Variants in PHF21B observed in about 807,000 individuals in gnomAD.
The protein encoded by PHF21B is PHD finger protein 21B, also known as PHD finger protein 4.
Under a neutral mutation model 62.2 loss-of-function variants are expected in PHF21B, and 22 were observed. That is an observed-to-expected ratio of 0.35 (90% CI 0.25 to 0.51). PHF21B has a LOEUF of 0.51. Among genes scored for constraint, PHF21B ranks in the 20% least tolerant of loss-of-function variants. The probability of loss-of-function intolerance (pLI) is 0.97; values close to 1 mark genes in which losing one functional copy is unlikely to be tolerated. For synonymous variants in PHF21B, 341 were observed against 314.7 expected (o/e 1.08, Z -0.88); for missense variants, 701 against 707.9 (o/e 0.99, Z 0.11).
At chr22:45,008,864 C>G in intron 1 of PHF21B, 1 of 1,180,248 alleles carries the variant, frequency 8.5e-7, no homozygotes, top group South Asian at 4.2e-5. Context: ...CGGCGCGCCC[C>G]GAGCCGTGCA....
rs747777982 is a variant in PHF21B at position 44,891,404 on chromosome 22, G to A, written c.961-44C>T. The A allele has an allele frequency of 1.4e-5, 22 of 1,603,132 alleles. No individual in the cohort carries two copies. The South Asian group carries it at 2.1e-4, about 16-fold the overall frequency. The stretch of plus-strand genomic sequence containing the variant: ...AAACAACACACCCCATCATCTGGAG[G>A]CTCTCTTCGATGGTGACGTCACCCC... On this transcript the variant is annotated intron_variant, in intron 7 of 12. Coordinates refer to ENST00000313237, the MANE Select transcript of PHF21B (RefSeq NM_138415.5).
chr22:44,979,302 A>T (rs1478723956), intron 2 of PHF21B, among the ~76,000 whole-genome samples: 1 of 152,234 alleles, frequency 6.6e-6, no homozygotes, highest in Non-Finnish European at 1.5e-5. Flanking sequence ...CACAGTGGCC[A>T]AGGCCAAGTT....
At chr22:44,887,156 CAAAAAAAAAA>C (rs565346064) in intron 10 of PHF21B, among the ~76,000 whole-genome samples, 19 of 65,100 alleles carry the variant, frequency 2.9e-4, no homozygotes, top group African/African-American at 8.4e-4. Context: ...AACTCCATCT[CAAAAAAAAAA>C]AAAAAAAAAG....
chr22:44,924,904 A>T (rs1443802908), intron 2 of PHF21B, among the ~76,000 whole-genome samples: 1 of 152,236 alleles, frequency 6.6e-6, no homozygotes, highest in Non-Finnish European at 1.5e-5. Context: ...GAAGCAACCC[A>T]AACGCTCACC....
chr22:44,989,997 T>A (rs1424564631), intron 2 of PHF21B, among the ~76,000 whole-genome samples: 1 of 152,224 alleles, frequency 6.6e-6, no homozygotes, highest in African/African-American at 2.4e-5. Flanking sequence ...ACGCTCTTCA[T>A]AAAGTGCACG....
chr22:44,888,028 A>G lies in PHF21B; in HGVS notation c.1132T>C (p.Cys378Arg). 1.9e-6 allele frequency: 3 copies of G among 1,564,476 alleles called. No individual in the cohort carries two copies. The highest frequency in any genetic ancestry group is 3.8e-5 in the Admixed American group (2 of 52,418). The change falls in exon 10 of 13, where the codon TGC (cysteine) becomes CGC (arginine). Residue 378 changes from cysteine to arginine, a missense_variant. Physicochemically the swap from Cys to Arg is radical, Grantham distance 180. Transcript: ENST00000313237. ...GCCGTCTTGAGGGGCGGCTCCAGGC[A>G]GCTGAGGTGGTAGGCCCCCGGGCAG... ...GTCPGAYHLS[C>R]LEPPLKTAPK...
intron 5 of PHF21B, among the ~76,000 whole-genome samples, chr22:44,898,611 A>G (rs901259833): frequency 6.6e-6 from 1 of 152,242 alleles, no homozygotes; most frequent in Non-Finnish European, 1.5e-5. Context: ...CGATTTTTAA[A>G]TTATAGTAAA....
intron 2 of PHF21B, among the ~76,000 whole-genome samples, chr22:44,971,852 C>G (rs1265195164): frequency 6.6e-6 from 1 of 152,258 alleles, no homozygotes; most frequent in Non-Finnish European, 1.5e-5. Context: ...ACGGACATGT[C>G]TGTCGTTCCT....
At chr22:44,886,613 G>A (rs939190517) in intron 10 of PHF21B, among the ~76,000 whole-genome samples, 9 of 151,786 alleles carry the variant, frequency 5.9e-5, no homozygotes, top group South Asian at 2.1e-4. Flanking sequence ...TTTGAGCCCC[G>A]AAGGTCAAGA....
intron 2 of PHF21B, among the ~76,000 whole-genome samples, chr22:44,983,941 G>A (rs2072887307): frequency 6.6e-6 from 1 of 151,652 alleles, no homozygotes; most frequent in Non-Finnish European, 1.5e-5. Flanking sequence ...TGTACTCTGA[G>A]GAACTGGAGC....
chr22:44,911,348 G>A (rs1601590915), intron 5 of PHF21B, among the ~76,000 whole-genome samples: 1 of 152,192 alleles, frequency 6.6e-6, no homozygotes, highest in African/African-American at 2.4e-5. Flanking sequence ...CACCAAGACA[G>A]TGGGGAAAAT....
chr22:44,986,867 G>A (rs2072959419), intron 2 of PHF21B, among the ~76,000 whole-genome samples: 1 of 151,200 alleles, frequency 6.6e-6, no homozygotes, highest in Non-Finnish European at 1.5e-5. Context: ...GAGGTGGGGG[G>A]AAGGCAGGTA....
At chr22:44,985,326 G>A (rs2072926060) in intron 2 of PHF21B, among the ~76,000 whole-genome samples, 4 of 152,184 alleles carry the variant, frequency 2.6e-5, no homozygotes, top group Admixed American at 2.6e-4. Context: ...AGAGGAAACT[G>A]CAACTCACAG....
intron 2 of PHF21B, chr22:44,967,094 T>A (rs1180840734): frequency 6.6e-6 from 1 of 152,066 alleles, no homozygotes; most frequent in African/African-American, 2.4e-5. Flanking sequence ...AGGAACTTTC[T>A]CCAACCACTG....
intron 2 of PHF21B, among the ~76,000 whole-genome samples, chr22:44,925,422 C>T (rs1187145945): frequency 1.3e-5 from 2 of 152,194 alleles, no homozygotes; most frequent in African/African-American, 2.4e-5. Context: ...CACAGAGCTG[C>T]TTCTCTCATT....
rs2070850869 is a variant in PHF21B, at chr22:44,885,998, C to T, written c.1198-60G>A. 7.9e-6 allele frequency: 12 copies of T among 1,524,508 alleles called. No individual in the cohort carries two copies. The Middle Eastern group carries it at 5.2e-4, about 66-fold the overall frequency. The allele number at this position is 1,524,508 out of a possible 1,614,324, so 94.4% of individuals were successfully genotyped here. On this transcript the variant is annotated intron_variant, in intron 10 of 12. Transcript: ENST00000313237. The stretch of plus-strand genomic sequence containing the variant: ...GGCCCTGGGACCTGCTGGGACTGTC[C>T]ACACCCTGGCTGTGTAACCCTGAGG...
chr22:44,925,844 G>T (rs867310782), intron 2 of PHF21B, among the ~76,000 whole-genome samples: 1 of 152,186 alleles, frequency 6.6e-6, no homozygotes, highest in Non-Finnish European at 1.5e-5. Context: ...CAAGGTGTGT[G>T]GAAGGCTCTG....
chr22:44,976,572 C>G (rs897765832), intron 2 of PHF21B, among the ~76,000 whole-genome samples: 19 of 152,220 alleles, frequency 1.2e-4, no homozygotes, highest in African/African-American at 4.1e-4. Flanking sequence ...TTTGACTGTT[C>G]CGTCTTGTTT....
Position 44,933,392 on chromosome 22 carries a change from T to C in PHF21B, c.121-12902A>G, listed in dbSNP as rs375085707. The C allele has an allele frequency of 2.2e-4, 199 of 919,934 alleles. 1 individual carries two copies. The East Asian group carries it at 0.021, about 96-fold the overall frequency. The allele number at this position is 919,934 out of a possible 1,614,324, so 57.0% of individuals were successfully genotyped here. The stretch of plus-strand genomic sequence containing the variant: ...TCCGAAAGTGATGGGATTACAGGCG[T>C]GAGCCACTGCGCTCGGCCTCTTCTA... On this transcript the variant is annotated intron_variant, in intron 2 of 12. Coordinates refer to ENST00000313237, the MANE Select transcript of PHF21B (RefSeq NM_138415.5).
Sources: gnomAD v4.1 joint callset for allele counts (sites outside exome capture counted in the v4.1 genomes callset) on GRCh38, gnomAD v4.1.1 for gene constraint, MANE v1.5 for transcripts, NCBI Gene and HGNC (gene_info 2026-07-23, HGNC 2026-07-21) for gene names.